The following TBK1 variants were observed in gnomAD, a reference collection of about 807,000 sequenced individuals.
TBK1 encodes TANK binding kinase 1, also known as serine/threonine-protein kinase TBK1.
Under a neutral mutation model 99.9 loss-of-function variants are expected in TBK1, and 37 were observed. The ratio of observed to expected loss-of-function variants is 0.37; its 90% CI spans 0.28 to 0.49. The LOEUF (loss-of-function observed/expected upper bound fraction) is 0.49, where lower values mean the gene tolerates loss of function less well. TBK1 is among the 20% of genes least tolerant of loss of function. The pLI, the probability that TBK1 is intolerant of heterozygous loss-of-function variation, is 0.98. For synonymous variants in TBK1, 258 were observed against 279.8 expected (o/e 0.92, Z 0.78); for missense variants, 644 against 872.5 (o/e 0.74, Z 3.30).
chr12:64,484,061 A>T, intron 8 of TBK1: 1 of 291,336 alleles, frequency 3.4e-6, no homozygotes, highest in South Asian at 6.8e-5. Flanking sequence ...AGGAAAGAAA[A>T]TATTAAGAAT....
chr12:64,496,982 G>A lies in TBK1; in HGVS notation c.1794G>A (p.Met598Ile). 6.2e-7 allele frequency: 1 copy of A among 1,613,090 alleles called. No individual in the cohort carries two copies. The highest frequency in any genetic ancestry group is 1.3e-5 in the African/African-American group (1 of 75,014). ...TGTATTACCATGCCACAAAAGCTATGACGCACTTTACAGATGAATGTGTTA... is the reference window on the plus strand; with the variant it reads ...TGTATTACCATGCCACAAAAGCTATAACGCACTTTACAGATGAATGTGTTA... Reference protein sequence around the residue: ...QKLYYHATKAMTHFTDECVKK... With the variant: ...QKLYYHATKAITHFTDECVKK... The change falls in exon 17 of 21, where the codon ATG becomes ATA. Residue 598 changes from methionine to isoleucine, a missense_variant. Met to Ile is a conservative substitution (Grantham distance 10, BLOSUM62 1). Transcript: ENST00000331710.
intron 18 of TBK1, 42 bp downstream of exon 18, chr12:64,497,301 T>C: frequency 2.2e-6 from 3 of 1,350,906 alleles, no homozygotes; most frequent in Non-Finnish European, 3.0e-6. Flanking sequence ...TCTTCTCAGT[T>C]TATAACTGAT....
At chr12:64,490,616 T>A (rs1002819754) in intron 13 of TBK1, among the ~76,000 whole-genome samples, 1 of 152,200 alleles carries the variant, frequency 6.6e-6, no homozygotes, top group Non-Finnish European at 1.5e-5. Flanking sequence ...TGCAGTTGAA[T>A]GTAAAGTGCT....
rs772721578 is a variant in TBK1 at position 64,467,094 on chromosome 12, A to G, written c.540+12A>G. The G allele has an allele frequency of 2.0e-6, 3 of 1,534,656 alleles. No homozygotes were observed. The highest frequency in any genetic ancestry group is 1.3e-5 in the South Asian group (1 of 78,824). On this transcript the variant is annotated intron_variant, in intron 5 of 20. Transcript: ENST00000331710. ...CAGAAGAATATTTGGTAAGTCATGT[A>G]TCACTAATATTTTCATTTAAAGAAG...
intron 1 of TBK1, among the ~76,000 whole-genome samples, chr12:64,454,249 G>C (rs895847602): frequency 2.0e-5 from 3 of 152,204 alleles, no homozygotes; most frequent in Middle Eastern, 3.4e-3. Flanking sequence ...GTTTTTGTTT[G>C]TTTTTGTTTC....
intron 11 of TBK1, among the ~76,000 whole-genome samples, chr12:64,488,152 C>CT (rs1340286496): frequency 6.6e-6 from 1 of 152,188 alleles, no homozygotes; most frequent in African/African-American, 2.4e-5. Flanking sequence ...GTAGTCTACT[C>CT]TGAGTAGTAA....
Position 64,501,354 on chromosome 12 carries a change from T to C in TBK1, c.2163T>C (p.Gly721=), listed in dbSNP as rs1207260132. Residue 721 remains glycine (G), a synonymous_variant, in exon 21 of 21, where the codon GGT becomes GGC. Coordinates refer to ENST00000331710, the MANE Select transcript of TBK1 (RefSeq NM_013254.4). The part of the protein sequence containing the change: ...LERFGSLTMD[G]GLRNVDCL ...GGTTTGGCTCTTTAACCATGGATGG[T>C]GGCCTTCGCAACGTTGACTGTCTTT... 1 of 1,614,062 alleles carries C rather than the reference T, an allele frequency of 6.2e-7. No homozygotes were observed. The highest frequency in any genetic ancestry group is 1.1e-5 in the South Asian group (1 of 91,060).
At position 64,479,996 on chromosome 12, in the gene TBK1, T is replaced by C; in HGVS notation, c.702-16T>C. 1 of 1,581,268 alleles carries C rather than the reference T, an allele frequency of 6.3e-7. No homozygotes were observed. Among genetic ancestry groups the C allele is most frequent in the Non-Finnish European group, 8.6e-7 (1 of 1,156,520 alleles). On this transcript the variant is annotated splice_polypyrimidine_tract_variant and intron_variant, in intron 6 of 20. Transcript: ENST00000331710. ...AAATGAACTGCTTATTTTATTCTGCTTTTGTTCCTCCCAAGGTATAAAATA... is the reference window on the plus strand; with the variant it reads ...AAATGAACTGCTTATTTTATTCTGCCTTTGTTCCTCCCAAGGTATAAAATA...
rs200798282 is a variant in TBK1 at position 64,497,224 on chromosome 12, G to A, written c.1924G>A (p.Glu642Lys). ...SLTNQCFDIE[E>K]EVSKYQEYTN... ...GACTAATCAGTGTTTTGATATTGAA[G>A]AAGAAGTATCAAAATATCAAGAATA... The change falls in exon 18 of 21, where the codon GAA (glutamate) becomes AAA (lysine). Residue 642 changes from glutamate (E) to lysine (K), a missense_variant. Transcript: ENST00000331710. The A allele has an allele frequency of 2.9e-5, 47 of 1,595,324 alleles. No homozygotes were observed. The highest frequency in any genetic ancestry group is 3.9e-5 in the Non-Finnish European group (46 of 1,169,378).
chr12:64,484,644 TG>T, intron 9 of TBK1, 145 bp downstream of exon 9: 1 of 729,828 alleles, frequency 1.4e-6, no homozygotes, highest in South Asian at 2.2e-5. Context: ...CCCAGCTGCA[TG>T]GGAGGCTGAG....
intron 19 of TBK1, 33 bp downstream of exon 19, chr12:64,497,787 T>C: frequency 6.6e-7 from 1 of 1,523,744 alleles, no homozygotes; most frequent in Non-Finnish European, 9.0e-7. Context: ...ACTGTAGTGT[T>C]TCCATTTGCT....
intron 13 of TBK1, among the ~76,000 whole-genome samples, chr12:64,493,424 C>G (rs1022631935): frequency 6.6e-6 from 1 of 151,290 alleles, no homozygotes; most frequent in African/African-American, 2.4e-5. Flanking sequence ...GCCAGGAGTT[C>G]GAGACCAGCC....
chr12:64,484,034 C>T (rs1565820265), intron 8 of TBK1: 1 of 217,220 alleles, frequency 4.6e-6, no homozygotes. Context: ...CACACACACA[C>T]ACACACACAC....
Position 64,484,790 on chromosome 12 carries a change from T to A in TBK1, c.1189+291T>A, listed in dbSNP as rs558710329. 2.9e-3 allele frequency among the ~76,000 whole-genome samples: 440 copies of A among 152,240 alleles called. 2 individuals carry two copies. The highest frequency in any genetic ancestry group is 0.01 in the African/African-American group (418 of 41,550). ...TCCACAAAGTCTGTCATTGTAGAAA[T>A]GATTGTCATCCTTATAAAGCTGATG... On this transcript the variant is annotated intron_variant, in intron 9 of 20. Transcript: ENST00000331710.
In TBK1 at chr12:64,485,960, T is replaced by C; in HGVS notation, c.1283T>C (p.Ile428Thr). ...GGGGTTGTGTGTTATGCCTGCAGAA[T>C]TGCCAGTACCTTACTGCTTTATCAG... ...ITGVVCYACR[I>T]ASTLLLYQEL... The change falls in exon 11 of 21, where the codon ATT becomes ACT. Residue 428 changes from isoleucine to threonine, a missense_variant. Transcript: ENST00000331710. The C allele has an allele frequency of 6.3e-7, 1 of 1,594,014 alleles. No homozygotes were observed. Among genetic ancestry groups the C allele is most frequent in the African/African-American group, 1.4e-5 (1 of 73,664 alleles).
intron 13 of TBK1, among the ~76,000 whole-genome samples, chr12:64,492,563 C>T (rs574283043): frequency 1.3e-5 from 2 of 152,280 alleles, no homozygotes; most frequent in East Asian, 1.9e-4. Context: ...GCCTTGGCCT[C>T]CCAAAGTGCT....
chr12:64,452,278 C>G (rs1035302721), intron 1 of TBK1, 91 bp downstream of exon 1: 1 of 152,212 alleles, frequency 6.6e-6, no homozygotes, highest in Non-Finnish European at 1.5e-5. Flanking sequence ...GCTCCCGCCC[C>G]CTGTGGGAGG....
chr12:64,469,016 C>T (rs1052348958), intron 5 of TBK1, among the ~76,000 whole-genome samples: 3 of 152,134 alleles, frequency 2.0e-5, no homozygotes. Flanking sequence ...AGTCTAGCCT[C>T]CTCTCCCCTA....
Position 64,497,979 on chromosome 12 carries a change from TA to T in TBK1, c.2081del (p.Lys694ArgfsTer18). On this transcript the variant is annotated frameshift_variant, in exon 20 of 21. Coordinates refer to ENST00000331710, the MANE Select transcript of TBK1 (RefSeq NM_013254.4). LOFTEE classifies it high-confidence loss of function. ...GTTTATTTTATTAGTATGAAGAAAT[TA>T]AAGGAAGAGATGGAAGGGGTGGTTA... The part of the protein sequence containing the change: ...LVEMTLGMKK[L>X]KEEMEGVVKE... 6.2e-7 allele frequency: 1 copy of T among 1,606,888 alleles called. No individual in the cohort carries two copies. Among genetic ancestry groups the T allele is most frequent in the Non-Finnish European group, 8.5e-7 (1 of 1,178,216 alleles).
Sources: gnomAD v4.1 joint callset for allele counts (sites outside exome capture counted in the v4.1 genomes callset) on GRCh38, gnomAD v4.1.1 for gene constraint, MANE v1.5 for transcripts, NCBI Gene and HGNC (gene_info 2026-07-23, HGNC 2026-07-21) for gene names.